The following PALM2AKAP2 variants were observed in gnomAD, a reference collection of about 807,000 sequenced individuals.
The protein encoded by PALM2AKAP2 is PALM2 and AKAP2 fusion.
PALM2AKAP2 carries 37 observed loss-of-function variants against 71.5 expected under a neutral mutation model. The observed-to-expected ratio is 0.52, with a 90% confidence interval of 0.40 to 0.68. The LOEUF is 0.68. Ranked by LOEUF, PALM2AKAP2 falls within the 30% of genes least tolerant of loss-of-function variation. The probability of loss-of-function intolerance (pLI) is 0.00; values close to 1 mark genes in which losing one functional copy is unlikely to be tolerated. For synonymous variants in PALM2AKAP2, 468 were observed against 478.8 expected, an observed-to-expected ratio of 0.98 and a Z score of 0.29; for missense variants, 1,224 against 1,191.8, an observed-to-expected ratio of 1.03 and a Z score of -0.40.
chr9:109,836,644 A>G (rs1828487821), intron 1 of PALM2AKAP2, among the ~76,000 whole-genome samples: 2 of 152,204 alleles, frequency 1.3e-5, no homozygotes, highest in Non-Finnish European at 2.9e-5. Context: ...AAGATTAGAC[A>G]AATGGCTAAC....
At chr9:109,756,562 C>T (rs989270343) in intron 1 of PALM2AKAP2, among the ~76,000 whole-genome samples, 3 of 152,156 alleles carry the variant, frequency 2.0e-5, no homozygotes, top group African/African-American at 4.8e-5. Flanking sequence ...GTTCCTTTTA[C>T]ACCCAAAAGT....
chr9:109,801,593 C>T (rs1284072372), intron 1 of PALM2AKAP2, among the ~76,000 whole-genome samples: 3 of 152,144 alleles, frequency 2.0e-5, no homozygotes, highest in Non-Finnish European at 4.4e-5. Context: ...GAGCATGGAC[C>T]TTAGCCACAG....
chr9:109,983,779 C>T (rs752893242), intron 6 of PALM2AKAP2, among the ~76,000 whole-genome samples: 12 of 151,504 alleles, frequency 7.9e-5, no homozygotes, highest in Non-Finnish European at 1.6e-4. Flanking sequence ...GCATGAGAAT[C>T]GCTGGAACAT....
At chr9:109,862,901 C>A (rs765081592) in intron 1 of PALM2AKAP2, 1 of 514,658 alleles carries the variant, frequency 1.9e-6, no homozygotes, top group Non-Finnish European at 3.9e-6. Flanking sequence ...CCGGGAAGAT[C>A]AGGAGACTGC....
intron 1 of PALM2AKAP2, among the ~76,000 whole-genome samples, chr9:109,712,348 T>G (rs1374232061): frequency 6.6e-6 from 1 of 152,236 alleles, no homozygotes; most frequent in Non-Finnish European, 1.5e-5. Context: ...AGCAAGCTGA[T>G]GCTCAAGTCA....
At chr9:109,720,833 A>G (rs890786725) in intron 1 of PALM2AKAP2, among the ~76,000 whole-genome samples, 2 of 152,224 alleles carry the variant, frequency 1.3e-5, no homozygotes, top group Non-Finnish European at 2.9e-5. Flanking sequence ...GATTCTTTCA[A>G]TGAATGTTTA....
chr9:109,977,366 T>C (rs1325467538), intron 6 of PALM2AKAP2, among the ~76,000 whole-genome samples: 1 of 152,244 alleles, frequency 6.6e-6, no homozygotes, highest in Non-Finnish European at 1.5e-5. Context: ...TCTGATTGCC[T>C]AGGCTCTTAA....
rs373901281 is a variant in PALM2AKAP2, at chr9:110,088,813, G to A, written c.156+39958G>A. 3.0e-3 allele frequency among the ~76,000 whole-genome samples: 427 copies of A among 140,312 alleles called. 15 individuals carry two copies. In the South Asian group the frequency reaches 0.049, roughly 16 times the overall value. 92.1% of individuals were successfully genotyped at this position (140,312 alleles called of 152,430 possible). A position where few individuals can be genotyped will look rare whatever the true frequency, so the allele number is the denominator to read the frequency against. ...CAGTTCACTGCAACCTCCGCCTCCC[G>A]GGTTCAAGAAATTCTCCTGTCTCAG... On this transcript the variant is annotated intron_variant, in intron 1 of 3. Coordinates refer to ENST00000374525, the Ensembl canonical transcript of PALM2AKAP2.
intron 3 of PALM2AKAP2, among the ~76,000 whole-genome samples, chr9:109,899,949 G>A (rs1830292484): frequency 1.3e-5 from 2 of 152,126 alleles, no homozygotes; most frequent in African/African-American, 4.8e-5. Context: ...TCCTCCTCTA[G>A]CCTCAGCTGC....
intron 1 of PALM2AKAP2, among the ~76,000 whole-genome samples, chr9:109,724,880 A>G (rs891862388): frequency 6.6e-6 from 1 of 152,214 alleles, no homozygotes; most frequent in African/African-American, 2.4e-5. Context: ...ATTTGACTAT[A>G]TAAATATTTA....
At chr9:110,077,990 G>A (rs892733320) in intron 1 of PALM2AKAP2, among the ~76,000 whole-genome samples, 2 of 151,240 alleles carry the variant, frequency 1.3e-5, no homozygotes, top group Admixed American at 1.3e-4. Context: ...CTCCAGCCTG[G>A]GTGACAGAGT....
At chr9:109,857,913 C>G (rs1829210328) in intron 1 of PALM2AKAP2, among the ~76,000 whole-genome samples, 1 of 152,232 alleles carries the variant, frequency 6.6e-6, no homozygotes, top group South Asian at 2.1e-4. Context: ...GTTTATACCA[C>G]TACCATCATT....
At chr9:110,077,643 C>A (rs1834350545) in intron 1 of PALM2AKAP2, among the ~76,000 whole-genome samples, 1 of 152,058 alleles carries the variant, frequency 6.6e-6, no homozygotes, top group Non-Finnish European at 1.5e-5. Flanking sequence ...TTGAATAAAC[C>A]CAGTGGTTCT....
chr9:109,733,635 A>G (rs1465480237), intron 1 of PALM2AKAP2, among the ~76,000 whole-genome samples: 3 of 152,226 alleles, frequency 2.0e-5, no homozygotes, highest in Non-Finnish European at 4.4e-5. Flanking sequence ...CTGTCAGTTT[A>G]TAACCCTATG....
chr9:109,710,587 T>C (rs1351708770), intron 1 of PALM2AKAP2, among the ~76,000 whole-genome samples: 1 of 152,238 alleles, frequency 6.6e-6, no homozygotes, highest in Non-Finnish European at 1.5e-5. Flanking sequence ...GTAGCACTTG[T>C]TGATCACCTT....
chr9:109,797,072 C>T (rs910004866), intron 1 of PALM2AKAP2, among the ~76,000 whole-genome samples: 5 of 152,220 alleles, frequency 3.3e-5, no homozygotes, highest in Admixed American at 2.6e-4. Context: ...GGCCCCTGCT[C>T]TGATGGTTTC....
At chr9:109,874,121 G>T (rs1829666471) in intron 2 of PALM2AKAP2, among the ~76,000 whole-genome samples, 1 of 152,186 alleles carries the variant, frequency 6.6e-6, no homozygotes, top group African/African-American at 2.4e-5. Context: ...AAAGTACAGT[G>T]TATGTGCATG....
At chr9:109,720,009 G>A (rs1828381964) in intron 1 of PALM2AKAP2, among the ~76,000 whole-genome samples, 1 of 149,514 alleles carries the variant, frequency 6.7e-6, no homozygotes, top group African/African-American at 2.5e-5. Flanking sequence ...TTTTTTTTGA[G>A]ATGGAGTCTC....
At chr9:109,829,604 C>A (rs1828244178) in intron 1 of PALM2AKAP2, among the ~76,000 whole-genome samples, 1 of 151,480 alleles carries the variant, frequency 6.6e-6, no homozygotes, top group Non-Finnish European at 1.5e-5. Flanking sequence ...TCTGCACACA[C>A]AGAAGTCTTC....
Sources: allele counts gnomAD v4.1 joint callset (sites outside exome capture counted in the v4.1 genomes callset), GRCh38; gene constraint gnomAD v4.1.1; transcripts MANE v1.5; gene names NCBI Gene and HGNC (gene_info 2026-07-23, HGNC 2026-07-21).